KATNIP: variants seen among roughly 807,000 people sequenced by gnomAD.
KATNIP encodes katanin interacting protein, also known as katanin-interacting protein.
KATNIP carries 126 observed loss-of-function variants against 174.0 expected under a neutral mutation model. The observed-to-expected ratio is 0.72, with a 90% confidence interval of 0.63 to 0.84. The LOEUF (loss-of-function observed/expected upper bound fraction) is 0.84. Among genes scored for constraint, KATNIP ranks in the 40% least tolerant of loss-of-function variants. The probability of loss-of-function intolerance (pLI) is 0.00; values close to 1 mark genes in which losing one functional copy is unlikely to be tolerated. For missense variants in KATNIP, 1,958 were observed against 2,109.7 expected, an observed-to-expected ratio of 0.93 and a Z score of 1.41; for synonymous variants, 810 against 835.7, an observed-to-expected ratio of 0.97 and a Z score of 0.53.
intron 1 of KATNIP, among the ~76,000 whole-genome samples, chr16:27,569,854 C>T (rs2090222504): frequency 6.6e-6 from 1 of 152,166 alleles, no homozygotes; most frequent in Non-Finnish European, 1.5e-5. Flanking sequence ...AATTAAAAAG[C>T]TTCTAATTAA....
intron 18 of KATNIP, chr16:27,755,505 G>C (rs1211726102): frequency 6.6e-6 from 1 of 152,312 alleles, no homozygotes; most frequent in East Asian, 1.9e-4. Context: ...TCCACAGGGA[G>C]CTCGGAACCT....
intron 14 of KATNIP, among the ~76,000 whole-genome samples, chr16:27,736,982 A>AC (rs1567370449): frequency 6.6e-6 from 1 of 151,800 alleles, no homozygotes; most frequent in Admixed American, 6.6e-5. Context: ...TGAGAAAGTG[A>AC]GAGGGGACGA....
chr16:27,696,664 G>A (rs956109570), intron 8 of KATNIP, among the ~76,000 whole-genome samples: 3 of 151,768 alleles, frequency 2.0e-5, no homozygotes, highest in Admixed American at 6.6e-5. Context: ...CAGAGAACAC[G>A]ATCTCATTCT....
At chr16:27,641,569 C>T (rs1245317496) in intron 5 of KATNIP, among the ~76,000 whole-genome samples, 3 of 152,104 alleles carry the variant, frequency 2.0e-5, no homozygotes, top group Non-Finnish European at 4.4e-5. Context: ...TCTCAAAAAG[C>T]GAAAACAGGG....
intron 3 of KATNIP, among the ~76,000 whole-genome samples, chr16:27,620,552 G>GA (rs1358368597): frequency 1.7e-4 from 25 of 151,386 alleles, no homozygotes; most frequent in Admixed American, 3.3e-4. Flanking sequence ...ATCAAGAGGA[G>GA]AAAAAAAAAC....
intron 2 of KATNIP, among the ~76,000 whole-genome samples, chr16:27,598,064 C>T (rs1314388375): frequency 6.6e-6 from 1 of 152,026 alleles, no homozygotes; most frequent in Non-Finnish European, 1.5e-5. Context: ...CCCGTCTCTA[C>T]AAAAAATAAC....
chr16:27,587,111 A>G (rs572110329), intron 2 of KATNIP, among the ~76,000 whole-genome samples: 7 of 152,136 alleles, frequency 4.6e-5, no homozygotes, highest in Non-Finnish European at 1.0e-4. Flanking sequence ...AGTTTTCAGC[A>G]ATTACCTAAC....
intron 1 of KATNIP, among the ~76,000 whole-genome samples, chr16:27,562,834 A>G (rs748362452): frequency 2.6e-5 from 4 of 152,234 alleles, no homozygotes; most frequent in Admixed American, 6.5e-5. Flanking sequence ...ATATTTTCCA[A>G]TTATCTTCAA....
chr16:27,617,843 T>TC lies in KATNIP; in HGVS notation c.64-577dup, dbSNP rs1242707654. Among the ~76,000 whole-genome samples, 5 of 151,932 alleles carry TC rather than the reference T, an allele frequency of 3.3e-5. No homozygotes were observed. The South Asian group carries it at 6.2e-4, about 19-fold the overall frequency. ...TCAACTTCCAAGACTCAGGCAGTCC[T>TC]CCCCCTTCAGCCCCCGCCAAGTAGC... On this transcript the variant is annotated intron_variant, in intron 2 of 27. Coordinates refer to ENST00000261588, the MANE Select transcript of KATNIP (RefSeq NM_015202.5).
At chr16:27,663,152 C>CTTTTTTTT (rs11440523) in intron 6 of KATNIP, among the ~76,000 whole-genome samples, 25 of 80,038 alleles carry the variant, frequency 3.1e-4, no homozygotes, top group African/African-American at 4.4e-4. Flanking sequence ...TTTTCTTCTT[C>CTTTTTTTT]TTTTTTTTTT....
chr16:27,653,274 A>C (rs2077171098), intron 6 of KATNIP, among the ~76,000 whole-genome samples: 1 of 152,180 alleles, frequency 6.6e-6, no homozygotes, highest in South Asian at 2.1e-4. Flanking sequence ...AGTCTTCTGG[A>C]ATGCCTTCTG....
chr16:27,678,484 C>G (rs1334620663), intron 7 of KATNIP, among the ~76,000 whole-genome samples: 1 of 152,208 alleles, frequency 6.6e-6, no homozygotes, highest in East Asian at 1.9e-4. Flanking sequence ...CTCTTGCTCT[C>G]CTCCTTCTCT....
intron 2 of KATNIP, among the ~76,000 whole-genome samples, chr16:27,614,804 G>A (rs1409114585): frequency 1.3e-5 from 2 of 152,124 alleles, no homozygotes; most frequent in Non-Finnish European, 2.9e-5. Context: ...AGTCGGGAAG[G>A]AAAAGTAGAG....
In KATNIP at chr16:27,740,058, CA is replaced by C; in HGVS notation, c.1763del (p.Lys588ArgfsTer3). Reference sequence around the variant, plus strand: ...GGTTTCAGGATCTTGACATTGGTGCCAAGAACGTGAAGCTTTACGTCAACAG... The same window carrying C: ...GGTTTCAGGATCTTGACATTGGTGCCAGAACGTGAAGCTTTACGTCAACAG... ...TADGDLDIGAKNVKLYVNRNL... is the reference protein window; with the variant it reads ...TADGDLDIGAXNVKLYVNRNL... On this transcript the variant is annotated frameshift_variant, in exon 15 of 28. Coordinates refer to ENST00000261588, the MANE Select transcript of KATNIP (RefSeq NM_015202.5). LOFTEE classifies it high-confidence loss of function. 1 of 1,612,012 alleles carries C rather than the reference CA, an allele frequency of 6.2e-7. No homozygotes were observed. Among genetic ancestry groups the C allele is most frequent in the East Asian group, 2.2e-5 (1 of 44,826 alleles).
At chr16:27,676,865 T>G (rs1192777185) in intron 6 of KATNIP, among the ~76,000 whole-genome samples, 1 of 152,160 alleles carries the variant, frequency 6.6e-6, no homozygotes, top group Non-Finnish European at 1.5e-5. Context: ...AGAGACAGGG[T>G]CTCACTGTGT....
intron 13 of KATNIP, among the ~76,000 whole-genome samples, chr16:27,713,058 T>C (rs1235889309): frequency 6.6e-6 from 1 of 152,180 alleles, no homozygotes; most frequent in African/African-American, 2.4e-5. Flanking sequence ...TCCTCCTGCC[T>C]TGGCCTCCCA....
At chr16:27,584,196 T>C (rs887598149) in intron 2 of KATNIP, among the ~76,000 whole-genome samples, 3 of 152,058 alleles carry the variant, frequency 2.0e-5, no homozygotes, top group Middle Eastern at 3.4e-3. Flanking sequence ...TCTCCCCTTC[T>C]CCTTCCTGTC....
chr16:27,701,609 G>T lies in KATNIP; in HGVS notation c.1200G>T (p.Ala400=). The change falls in exon 11 of 28, where the codon GCG becomes GCT. Residue 400 remains alanine, a synonymous_variant. Coordinates refer to ENST00000261588, the MANE Select transcript of KATNIP (RefSeq NM_015202.5). ...CTCAGCTGCTTCCCATCACCACGGC[G>T]ACTACTACTCAGGAGCCGGCCGGGG... is the stretch of plus-strand genomic sequence containing the variant. ...ETLELLPITT[A]TTTQEPAGAA... is the part of the protein sequence containing the mutation. The T allele has an allele frequency of 6.2e-7, 1 of 1,600,340 alleles. No homozygotes were observed. Among genetic ancestry groups the T allele is most frequent in the South Asian group, 1.1e-5 (1 of 87,778 alleles).
intron 2 of KATNIP, among the ~76,000 whole-genome samples, chr16:27,605,067 T>C (rs1484930765): frequency 1.3e-5 from 2 of 152,160 alleles, no homozygotes; most frequent in African/African-American, 2.4e-5. Flanking sequence ...TAGCTGGGAT[T>C]ACAGGCATGT....
Sources: gnomAD v4.1 joint callset for allele counts (sites outside exome capture counted in the v4.1 genomes callset) on GRCh38, gnomAD v4.1.1 for gene constraint, MANE v1.5 for transcripts, NCBI Gene and HGNC (gene_info 2026-07-23, HGNC 2026-07-21) for gene names.